BMPER: variants seen among roughly 807,000 people sequenced by gnomAD.
The protein encoded by BMPER is BMP binding endothelial regulator, also known as BMP-binding endothelial regulator protein.
A neutral mutation model predicts 87.3 loss-of-function variants in BMPER; 45 were observed. The ratio of observed to expected loss-of-function variants is 0.52; its 90% CI spans 0.41 to 0.66. The LOEUF is 0.66. Among genes scored for constraint, BMPER ranks in the 30% least tolerant of loss-of-function variants. BMPER has a pLI of 0.00. For synonymous variants in BMPER, 326 were observed against 316.2 expected, an observed-to-expected ratio of 1.03 and a Z score of -0.33; for missense variants, 784 against 867.5, an observed-to-expected ratio of 0.90 and a Z score of 1.21.
intron 12 of BMPER, among the ~76,000 whole-genome samples, chr7:34,081,028 C>G (rs1398394530): frequency 6.6e-6 from 1 of 151,938 alleles, no homozygotes; most frequent in African/African-American, 2.4e-5. Context: ...TTCCAAGATG[C>G]AAGTAATTTT....
intron 6 of BMPER, among the ~76,000 whole-genome samples, chr7:33,977,346 C>T (rs1785713270): frequency 6.6e-6 from 1 of 151,918 alleles, no homozygotes; most frequent in South Asian, 2.1e-4. Context: ...GAGATGTTCA[C>T]TTTAGAGTGG....
At chr7:34,040,728 A>G (rs1400363816) in intron 6 of BMPER, among the ~76,000 whole-genome samples, 1 of 152,152 alleles carries the variant, frequency 6.6e-6, no homozygotes, top group African/African-American at 2.4e-5. Flanking sequence ...AGCTATGGGG[A>G]TGGTGAACAC....
At chr7:33,989,216 G>A in intron 6 of BMPER, among the ~76,000 whole-genome samples, 1 of 141,304 alleles carries the variant, frequency 7.1e-6, no homozygotes, top group African/African-American at 2.8e-5. Context: ...AGTTGAACTA[G>A]TTTACAGTCC....
chr7:34,063,379 ATG>A (rs10537332), intron 11 of BMPER, among the ~76,000 whole-genome samples: 29,550 of 148,834 alleles, frequency 0.2, 2,952 homozygotes, highest in Middle Eastern at 0.26. Flanking sequence ...GGGTCACTAT[ATG>A]TGTGTGTGTG....
At chr7:34,023,569 A>G (rs940728247) in intron 6 of BMPER, among the ~76,000 whole-genome samples, 4 of 151,912 alleles carry the variant, frequency 2.6e-5, no homozygotes, top group African/African-American at 9.7e-5. Context: ...AACTTCCAAT[A>G]TCCTTTGCCA....
intron 13 of BMPER, among the ~76,000 whole-genome samples, chr7:34,115,940 T>A (rs1308476125): frequency 6.6e-6 from 1 of 152,212 alleles, no homozygotes; most frequent in Non-Finnish European, 1.5e-5. Context: ...CTCTTTTGCG[T>A]TCTGAGCGTT....
chr7:34,135,865 G>C (rs1337659462), intron 13 of BMPER, among the ~76,000 whole-genome samples: 2 of 152,140 alleles, frequency 1.3e-5, no homozygotes, highest in African/African-American at 4.8e-5. Flanking sequence ...AATTTAACTT[G>C]AGTATAGGGG....
intron 6 of BMPER, among the ~76,000 whole-genome samples, chr7:34,019,312 G>T (rs1032436294): frequency 1.3e-5 from 2 of 152,008 alleles, no homozygotes; most frequent in Non-Finnish European, 2.9e-5. Flanking sequence ...AACTGTACAT[G>T]TTAGCAGGCT....
intron 13 of BMPER, among the ~76,000 whole-genome samples, chr7:34,122,449 C>G (rs1203805293): frequency 6.6e-6 from 1 of 152,176 alleles, no homozygotes; most frequent in Non-Finnish European, 1.5e-5. Flanking sequence ...TCTAACAAGT[C>G]TCAGGTGAGG....
In BMPER at chr7:33,913,010, A is replaced by G. The variant is rs1375915451; in HGVS notation, c.219+6107A>G. Among the ~76,000 whole-genome samples the G allele has an allele frequency of 2.0e-5, 3 of 152,360 alleles. No homozygotes were observed. The East Asian group carries it at 5.8e-4, about 29-fold the overall frequency. On this transcript the variant is annotated intron_variant, in intron 2 of 14. Coordinates refer to ENST00000649409, the MANE Select transcript of BMPER (RefSeq NM_001365308.1). ...TTGAGGAGACAAAGACCAACAGGAC[A>G]GATTCTTGCCCACAGCCTAATGGGG...
chr7:33,976,867 T>C (rs1384435750), intron 6 of BMPER, among the ~76,000 whole-genome samples: 2 of 152,222 alleles, frequency 1.3e-5, no homozygotes, highest in Non-Finnish European at 2.9e-5. Context: ...TGATTTCATA[T>C]GTTTTTAAAC....
At chr7:34,129,630 G>GAGAAAGAAAGAAAGAAAGAAAGAA (rs10527738) in intron 13 of BMPER, among the ~76,000 whole-genome samples, 3,139 of 56,170 alleles carry the variant, frequency 0.056, 235 homozygotes, top group Non-Finnish European at 0.06. Flanking sequence ...GAGAGAAAGA[G>GAGAAAGAAAGAAAGAAAGAAAGAA]AGAAAGAAAG....
intron 6 of BMPER, among the ~76,000 whole-genome samples, chr7:33,985,402 T>C (rs1417256832): frequency 6.6e-6 from 1 of 152,204 alleles, no homozygotes; most frequent in African/African-American, 2.4e-5. Flanking sequence ...AATTTCATCA[T>C]TTTCAGTTGT....
chr7:34,117,374 C>G (rs1050560568), intron 13 of BMPER, among the ~76,000 whole-genome samples: 1 of 152,082 alleles, frequency 6.6e-6, no homozygotes, highest in Admixed American at 6.6e-5. Flanking sequence ...TCTTAAGGGT[C>G]CCTAGAGTCA....
chr7:34,125,576 G>A (rs1254351354), intron 13 of BMPER, among the ~76,000 whole-genome samples: 1 of 152,128 alleles, frequency 6.6e-6, no homozygotes, highest in Non-Finnish European at 1.5e-5. Context: ...CTAGTTGAAT[G>A]CATGAGCGAC....
intron 3 of BMPER, among the ~76,000 whole-genome samples, chr7:33,957,621 T>G (rs1785180031): frequency 6.6e-6 from 1 of 152,094 alleles, no homozygotes; most frequent in African/African-American, 2.4e-5. Flanking sequence ...TGGTAAAATC[T>G]GAATAAGCTT....
At chr7:34,075,891 G>A (rs1455292249) in intron 11 of BMPER, among the ~76,000 whole-genome samples, 2 of 152,186 alleles carry the variant, frequency 1.3e-5, no homozygotes, top group African/African-American at 2.4e-5. Flanking sequence ...GCAGGATCTG[G>A]CATAGGGACC....
rs146661986 is a variant in BMPER, at chr7:34,075,109, A to G, written c.1079-3748A>G. Among the ~76,000 whole-genome samples, 679 of 152,300 alleles carry G rather than the reference A, an allele frequency of 4.5e-3. 2 individuals are homozygous for G. Among genetic ancestry groups the G allele is most frequent in the Non-Finnish European group, 8.6e-3 (588 of 68,020 alleles). The stretch of plus-strand genomic sequence containing the variant: ...GCTCTCAGAAGAAAGGCATTTCATT[A>G]GAATAAATATATCCATGACATAAAT... On this transcript the variant is annotated intron_variant, in intron 11 of 14. Coordinates refer to ENST00000649409, the MANE Select transcript of BMPER (RefSeq NM_001365308.1).
At chr7:34,016,266 GTAAC>G (rs1450472260) in intron 6 of BMPER, among the ~76,000 whole-genome samples, 2 of 151,964 alleles carry the variant, frequency 1.3e-5, no homozygotes, top group Non-Finnish European at 2.9e-5. Context: ...TTGATCCGTA[GTAAC>G]TAACTATATG....
Sources: gnomAD v4.1 joint callset for allele counts (sites outside exome capture counted in the v4.1 genomes callset) on GRCh38, gnomAD v4.1.1 for gene constraint, MANE v1.5 for transcripts, NCBI Gene and HGNC (gene_info 2026-07-23, HGNC 2026-07-21) for gene names.